The following AGO3 variants were observed in gnomAD, a reference collection of about 807,000 sequenced individuals.
AGO3 encodes protein argonaute-3.
In AGO3, 16 loss-of-function variants were observed where a neutral mutation model predicts 105.5. The observed-to-expected ratio is 0.15, with a 90% CI of 0.10 to 0.23. AGO3 has a LOEUF of 0.23. Among genes scored for constraint, AGO3 ranks in the 10% least tolerant of loss-of-function variants. The probability of loss-of-function intolerance (pLI) is 1.00; values close to 1 mark genes in which losing one functional copy is unlikely to be tolerated. For missense variants in AGO3, 534 were observed against 1,088.0 expected, an observed-to-expected ratio of 0.49 and a Z score of 7.16; for synonymous variants, 340 against 367.3, an observed-to-expected ratio of 0.93 and a Z score of 0.85.
intron 16 of AGO3, among the ~76,000 whole-genome samples, chr1:36,042,241 C>T (rs377095581): frequency 1.3e-5 from 2 of 152,098 alleles, no homozygotes; most frequent in East Asian, 1.9e-4. Flanking sequence ...TGTGCCACCA[C>T]ACCCGGCTAA....
chr1:36,040,462 A>G (rs1287145751), intron 16 of AGO3, 21 bp downstream of exon 16: 2 of 1,613,520 alleles, frequency 1.2e-6, no homozygotes, highest in South Asian at 1.1e-5. Context: ...CTCTGTTGTA[A>G]TACTGTTATA....
chr1:35,981,555 T>G (rs1647053350), intron 5 of AGO3, among the ~76,000 whole-genome samples: 1 of 152,214 alleles, frequency 6.6e-6, no homozygotes, highest in Non-Finnish European at 1.5e-5. Context: ...ATTGCCTGCC[T>G]CAAATGTTAA....
intron 6 of AGO3, among the ~76,000 whole-genome samples, chr1:36,007,691 T>TAA (rs920051905): frequency 7.2e-6 from 1 of 139,768 alleles, no homozygotes; most frequent in Non-Finnish European, 1.6e-5. Flanking sequence ...AGCAAAAAAC[T>TAA]AAAAAAAAAA....
chr1:35,965,886 C>T (rs1364650748), intron 2 of AGO3, among the ~76,000 whole-genome samples: 1 of 140,600 alleles, frequency 7.1e-6, no homozygotes, highest in East Asian at 2.1e-4. Context: ...AGTTCAATGG[C>T]GTGATCTCGG....
Position 35,944,236 on chromosome 1 carries a change from CT to C in AGO3, c.20-1444del, listed in dbSNP as rs879772985. Among the ~76,000 whole-genome samples, 716 of 144,874 alleles carry C rather than the reference CT, an allele frequency of 4.9e-3. 4 individuals carry two copies. Among genetic ancestry groups the C allele is most frequent in the African/African-American group, 0.013 (514 of 39,860 alleles). ...GACTTTTCAAATTTGATGAATAATA[CT>C]TTTTTTTTTTTAAGACAGGGTCTTG... On this transcript the variant is annotated intron_variant, in intron 1 of 18. Coordinates refer to ENST00000373191, the MANE Select transcript of AGO3 (RefSeq NM_024852.4).
At chr1:35,949,779 AG>A (rs1646435873) in intron 2 of AGO3, among the ~76,000 whole-genome samples, 1 of 152,084 alleles carries the variant, frequency 6.6e-6, no homozygotes, top group African/African-American at 2.4e-5. Flanking sequence ...CACCACACCA[AG>A]ATCATTTTTT....
chr1:35,972,076 A>G lies in AGO3; in HGVS notation c.365A>G (p.Lys122Arg), dbSNP rs550015694. The G allele has an allele frequency of 1.4e-5, 23 of 1,614,076 alleles. No individual in the cohort carries two copies. Among genetic ancestry groups the G allele is most frequent in the East Asian group, 6.7e-5 (3 of 44,880 alleles). The change falls in exon 4 of 19, where the codon AAG (lysine) becomes AGG (arginine). Residue 122 changes from lysine (K) to arginine (R), a missense_variant. Physicochemically the swap from Lys to Arg is conservative, Grantham distance 26. Transcript: ENST00000373191. ...PGEGGKDRPF[K>R]VSIKFVSRVS... ...GAAGGTGGAAAAGATCGACCTTTCAAGGTGTCAATCAAATTTGTCTCTCGG... is the reference window on the plus strand; with the variant it reads ...GAAGGTGGAAAAGATCGACCTTTCAGGGTGTCAATCAAATTTGTCTCTCGG...
intron 12 of AGO3, among the ~76,000 whole-genome samples, chr1:36,030,276 C>T (rs568991080): frequency 1.3e-5 from 2 of 151,980 alleles, no homozygotes; most frequent in Admixed American, 1.3e-4. Context: ...CCAAGGTGGG[C>T]AGATTGCTTG....
At chr1:36,037,525 C>CA (rs973118823) in intron 14 of AGO3, among the ~76,000 whole-genome samples, 30 of 149,246 alleles carry the variant, frequency 2.0e-4, no homozygotes, top group Non-Finnish European at 4.3e-4. Flanking sequence ...CATCTCAAAA[C>CA]AAAAAAAAAG....
intron 5 of AGO3, among the ~76,000 whole-genome samples, chr1:35,993,738 C>CTTTTTTTTTT (rs141978570): frequency 2.9e-4 from 26 of 90,780 alleles, no homozygotes; most frequent in African/African-American, 1.3e-3. Context: ...CCACCCCCTG[C>CTTTTTTTTTT]TTTTTTTTTT....
At position 36,062,179 on chromosome 1, in the gene AGO3, T is replaced by C. The variant is rs76005367; in HGVS notation, c.*6434T>C. On this transcript the variant is annotated 3_prime_UTR_variant, in exon 19 of 19. Transcript: ENST00000373191. Reference sequence around the variant, plus strand: ...TTAATCTTTTTTTTTTTTTTTTTTTTTGAGACAAAGTCTTGCTCTGTCACC... The same window carrying C: ...TTAATCTTTTTTTTTTTTTTTTTTTCTGAGACAAAGTCTTGCTCTGTCACC... The C allele has an allele frequency of 6.6e-6, 1 of 150,758 alleles. No homozygotes were observed. Among genetic ancestry groups the C allele is most frequent in the African/African-American group, 2.4e-5 (1 of 40,878 alleles). The allele number at this position is 150,758 out of a possible 1,614,324, so 9.3% of individuals were successfully genotyped here.
chr1:35,957,552 C>A (rs889798364), intron 2 of AGO3, among the ~76,000 whole-genome samples: 10 of 151,864 alleles, frequency 6.6e-5, no homozygotes, highest in Admixed American at 2.0e-4. Flanking sequence ...ATGGTGAAAC[C>A]CCGTCTCTAC....
chr1:36,049,494 G>A (rs933222914), intron 17 of AGO3, among the ~76,000 whole-genome samples: 1 of 151,364 alleles, frequency 6.6e-6, no homozygotes, highest in African/African-American at 2.4e-5. Flanking sequence ...CTCCAACCTG[G>A]CGACAGAGCA....
intron 5 of AGO3, among the ~76,000 whole-genome samples, chr1:35,979,790 T>G (rs1262149051): frequency 6.6e-6 from 1 of 152,210 alleles, no homozygotes; most frequent in African/African-American, 2.4e-5. Flanking sequence ...CACTTCATGC[T>G]TTTGTGAACT....
chr1:36,062,636 C>T lies in AGO3; in HGVS notation c.*6891C>T, dbSNP rs534220108. Reference sequence around the variant, plus strand: ...TCATACTAATTAGAAATGTAGTTACCTACCAGAGGGCAATTTTGCTCCATA... The same window carrying T: ...TCATACTAATTAGAAATGTAGTTACTTACCAGAGGGCAATTTTGCTCCATA... On this transcript the variant is annotated 3_prime_UTR_variant, in exon 19 of 19. Coordinates refer to ENST00000373191, the MANE Select transcript of AGO3 (RefSeq NM_024852.4). 1 of 152,180 alleles carries T rather than the reference C, an allele frequency of 6.6e-6. No homozygotes were observed. Among genetic ancestry groups the T allele is most frequent in the East Asian group, 1.9e-4 (1 of 5,192 alleles). 9.4% of individuals were successfully genotyped at this position (152,180 alleles called of 1,614,324 possible).
At position 36,071,069 on chromosome 1, in the gene AGO3, A is replaced by G. The variant is rs904236918; in HGVS notation, c.*15324A>G. On this transcript the variant is annotated 3_prime_UTR_variant, in exon 19 of 19. Coordinates refer to ENST00000373191, the MANE Select transcript of AGO3 (RefSeq NM_024852.4). ...TTAGTGTTTGGGGGACTCAATGGTA[A>G]TATGACCATTGCAGTGTAATCTGAC... is the stretch of plus-strand genomic sequence containing the variant. The G allele has an allele frequency of 2.0e-5, 3 of 152,206 alleles. No individual in the cohort carries two copies. Among genetic ancestry groups the G allele is most frequent in the African/African-American group, 7.2e-5 (3 of 41,454 alleles). The allele number at this position is 152,206 out of a possible 1,614,324, so 9.4% of individuals were successfully genotyped here. A position where few individuals can be genotyped will look rare whatever the true frequency, so the allele number is the denominator to read the frequency against.
chr1:36,048,111 C>T (rs1642553794), intron 17 of AGO3, among the ~76,000 whole-genome samples: 2 of 151,950 alleles, frequency 1.3e-5, no homozygotes, highest in South Asian at 4.2e-4. Context: ...CCACAGAAAC[C>T]TTATAGGCCT....
intron 9 of AGO3, among the ~76,000 whole-genome samples, chr1:36,011,008 C>T (rs951457011): frequency 1.3e-5 from 2 of 151,878 alleles, no homozygotes; most frequent in African/African-American, 2.4e-5. Flanking sequence ...GCTTTAACCA[C>T]GTAAGGTCTC....
At chr1:36,002,314 A>G (rs1640123432) in intron 5 of AGO3, among the ~76,000 whole-genome samples, 1 of 147,156 alleles carries the variant, frequency 6.8e-6, no homozygotes, top group Admixed American at 6.8e-5. Flanking sequence ...CACTGTACCC[A>G]GCCAAGATAA....
Sources: allele counts gnomAD v4.1 joint callset (sites outside exome capture counted in the v4.1 genomes callset), GRCh38; gene constraint gnomAD v4.1.1; transcripts MANE v1.5; gene names NCBI Gene and HGNC (gene_info 2026-07-23, HGNC 2026-07-21).